Variants in ENPP2 observed in about 807,000 individuals in gnomAD.
ENPP2 encodes ectonucleotide pyrophosphatase/phosphodiesterase 2.
A neutral mutation model predicts 120.2 loss-of-function variants in ENPP2; 51 were observed. That is an observed-to-expected ratio of 0.42 (90% confidence interval 0.34 to 0.54). The LOEUF (loss-of-function observed/expected upper bound fraction) is 0.54. Ranked by LOEUF, ENPP2 falls within the 20% of genes least tolerant of loss-of-function variation. ENPP2 has a pLI of 0.04. For synonymous variants in ENPP2, 365 were observed against 366.4 expected (o/e 1.00, Z 0.04); for missense variants, 920 against 1,066.5 (o/e 0.86, Z 1.91).
chr8:119,648,141 G>T (rs1430810899), intron 1 of ENPP2, among the ~76,000 whole-genome samples: 1 of 152,192 alleles, frequency 6.6e-6, no homozygotes, highest in Admixed American at 6.5e-5. Context: ...GGGTTGATAT[G>T]AAGACCAAAT....
chr8:119,568,781 T>C (rs950227772), intron 21 of ENPP2, among the ~76,000 whole-genome samples: 1 of 152,242 alleles, frequency 6.6e-6, no homozygotes, highest in Middle Eastern at 3.4e-3. Flanking sequence ...TTAATTTTTT[T>C]AGAGACAAGG....
In ENPP2 at chr8:119,562,991, G is replaced by A. The variant is rs749039802; in HGVS notation, c.2287C>T (p.Pro763Ser). The change falls in exon 24 of 25, where the codon CCT becomes TCT. Residue 763 changes from proline to serine, a missense_variant. Physicochemically the swap from Pro to Ser is moderately conservative, Grantham distance 74. Coordinates refer to ENST00000075322, the MANE Select transcript of ENPP2 (RefSeq NM_001040092.3). ...ATGCTGTAGTAGTGAGTTGGAACAGGAATGGAACTGCCTTCCACGTACCTG... is the reference window on the plus strand; with the variant it reads ...ATGCTGTAGTAGTGAGTTGGAACAGAAATGGAACTGCCTTCCACGTACCTG... ...IKQYVEGSSI[P>S]VPTHYYSIIT... 10 of 1,613,948 alleles carry A rather than the reference G, an allele frequency of 6.2e-6. No homozygotes were observed. Among genetic ancestry groups the A allele is most frequent in the Non-Finnish European group, 7.6e-6 (9 of 1,179,908 alleles).
At chr8:119,566,546 A>C (rs886091433) in intron 22 of ENPP2, among the ~76,000 whole-genome samples, 3 of 152,216 alleles carry the variant, frequency 2.0e-5, no homozygotes, top group Non-Finnish European at 4.4e-5. Flanking sequence ...CTTAAGCATT[A>C]AGAAAAAATG....
At chr8:119,574,876 G>T (rs1433384423) in intron 19 of ENPP2, among the ~76,000 whole-genome samples, 1 of 152,072 alleles carries the variant, frequency 6.6e-6, no homozygotes, top group East Asian at 1.9e-4. Flanking sequence ...TCTGAGATTT[G>T]ATTTAAGGCC....
chr8:119,664,667 C>T (rs948296905), intron 1 of ENPP2, among the ~76,000 whole-genome samples: 5 of 152,086 alleles, frequency 3.3e-5, no homozygotes, highest in Non-Finnish European at 5.9e-5. Context: ...ATCAGCTAGG[C>T]ACGGTGGCTC....
intron 19 of ENPP2, among the ~76,000 whole-genome samples, chr8:119,576,352 G>A (rs1319634578): frequency 6.6e-6 from 1 of 152,072 alleles, no homozygotes; most frequent in East Asian, 1.9e-4. Context: ...TGGTCAGGCT[G>A]GTTTTGAACT....
chr8:119,591,007 A>AAAAC (rs1813467212), intron 12 of ENPP2, among the ~76,000 whole-genome samples: 1 of 151,348 alleles, frequency 6.6e-6, no homozygotes, highest in African/African-American at 2.4e-5. Context: ...AAAAAAAAAA[A>AAAAC]AAAAAAAAAC....
chr8:119,564,677 CAA>C, intron 23 of ENPP2, 144 bp downstream of exon 23: 2 of 295,762 alleles, frequency 6.8e-6, no homozygotes, highest in African/African-American at 2.3e-5. Flanking sequence ...GACGCCGTCT[CAA>C]AAAAATATAT....
intron 9 of ENPP2, among the ~76,000 whole-genome samples, chr8:119,604,850 T>C (rs1449891716): frequency 6.6e-6 from 1 of 152,150 alleles, no homozygotes; most frequent in Non-Finnish European, 1.5e-5. Flanking sequence ...CTCGGCTCAC[T>C]GCAAGCTCCG....
chr8:119,651,865 A>T (rs1040449836), intron 1 of ENPP2, among the ~76,000 whole-genome samples: 2 of 152,206 alleles, frequency 1.3e-5, no homozygotes, highest in Non-Finnish European at 2.9e-5. Flanking sequence ...CCAAATTCAA[A>T]TAATAGTGGT....
chr8:119,592,435 T>G (rs917929780), intron 12 of ENPP2, among the ~76,000 whole-genome samples: 6 of 139,492 alleles, frequency 4.3e-5, no homozygotes, highest in Non-Finnish European at 9.0e-5. Flanking sequence ...ATTGCACCAT[T>G]GCATTCCATC....
At chr8:119,621,203 C>G (rs1039536906) in intron 4 of ENPP2, among the ~76,000 whole-genome samples, 191 bp downstream of exon 4, 12 of 152,112 alleles carry the variant, frequency 7.9e-5, no homozygotes, top group African/African-American at 2.7e-4. Flanking sequence ...TGGTTTCTTC[C>G]CTTGTTACTT....
intron 3 of ENPP2, among the ~76,000 whole-genome samples, chr8:119,623,084 G>A (rs1489597815): frequency 1.3e-5 from 2 of 152,132 alleles, no homozygotes; most frequent in Non-Finnish European, 2.9e-5. Flanking sequence ...TATGTGATAA[G>A]TGGAAAGAAA....
rs558045528 is a variant in ENPP2 at position 119,650,867 on chromosome 8, A to T, written c.22-12340T>A. ...AAGAGACCCTAGTTCTTGCGTACAC[A>T]TCTCAAGTATCCTGAAACTTAATGG... On this transcript the variant is annotated intron_variant, in intron 1 of 25. Transcript: ENST00000427067. Among the ~76,000 whole-genome samples the T allele has an allele frequency of 7.9e-5, 12 of 152,318 alleles. No individual in the cohort carries two copies. In the East Asian group the frequency reaches 2.3e-3, roughly 29 times the overall value.
At chr8:119,578,724 A>T (rs1243886932) in intron 19 of ENPP2, among the ~76,000 whole-genome samples, 1 of 152,194 alleles carries the variant, frequency 6.6e-6, no homozygotes, top group Non-Finnish European at 1.5e-5. Context: ...TTTGTGAAAG[A>T]TTTGTGTGCC....
chr8:119,648,959 A>G (rs957367711), intron 1 of ENPP2, among the ~76,000 whole-genome samples: 3 of 152,254 alleles, frequency 2.0e-5, no homozygotes, highest in African/African-American at 7.2e-5. Context: ...CAGATCTTGT[A>G]TATAGAAAAT....
At chr8:119,579,618 C>T (rs764823655) in intron 19 of ENPP2, among the ~76,000 whole-genome samples, 14 of 151,052 alleles carry the variant, frequency 9.3e-5, no homozygotes, top group South Asian at 6.3e-4. Context: ...AATACGTGCT[C>T]GTTATCATTG....
At chr8:119,664,992 G>A (rs1818029011) in intron 1 of ENPP2, among the ~76,000 whole-genome samples, 4 of 152,146 alleles carry the variant, frequency 2.6e-5, no homozygotes, top group Admixed American at 2.6e-4. Flanking sequence ...CAGCAGGATT[G>A]GTTTCTTCTG....
At position 119,638,527 on chromosome 8, in the gene ENPP2, T is replaced by A; in HGVS notation, c.34A>T (p.Ile12Leu). 6.5e-7 allele frequency: 1 copy of A among 1,548,898 alleles called. No individual in the cohort carries two copies. The highest frequency in any genetic ancestry group is 8.9e-7 in the Non-Finnish European group (1 of 1,120,458). ...ARRSSFQSCQ[I>L]ISLFTFAVGV... Reference sequence around the variant, plus strand: ...ACGGCAAAAGTGAACAGGGATATTATCTAAGAGAATAAAGAGACCAAGTTG... The same window carrying A: ...ACGGCAAAAGTGAACAGGGATATTAACTAAGAGAATAAAGAGACCAAGTTG... The change falls in exon 2 of 25, where the codon ATA (isoleucine) becomes TTA (leucine). Residue 12 changes from isoleucine to leucine, a missense_variant and splice_region_variant. Transcript: ENST00000075322.
Sources: gnomAD v4.1 joint callset for allele counts (sites outside exome capture counted in the v4.1 genomes callset) on GRCh38, gnomAD v4.1.1 for gene constraint, MANE v1.5 for transcripts, NCBI Gene and HGNC (gene_info 2026-07-23, HGNC 2026-07-21) for gene names.